Variants in USH2A observed in about 807,000 individuals in gnomAD.
USH2A encodes the protein Usher syndrome 2A (autosomal recessive, mild).
USH2A carries 443 observed loss-of-function variants against 538.9 expected under a neutral mutation model. The ratio of observed to expected loss-of-function variants is 0.82; its 90% CI spans 0.76 to 0.89. The LOEUF (loss-of-function observed/expected upper bound fraction) is 0.89. Ranked by LOEUF, USH2A falls within the 40% of genes least tolerant of loss-of-function variation. USH2A has a pLI of 0.00. For synonymous variants in USH2A, 2,413 were observed against 2,273.5 expected (o/e 1.06, Z -1.75); for missense variants, 6,633 against 6,324.8 (o/e 1.05, Z -1.65).
chr1:215,803,685 T>C (rs1257929267), intron 49 of USH2A, among the ~76,000 whole-genome samples: 1 of 152,132 alleles, frequency 6.6e-6, no homozygotes, highest in Non-Finnish European at 1.5e-5. Flanking sequence ...GAAGAATCAA[T>C]ATCACGAAAA....
At chr1:215,717,384 G>A (rs1659515506) in intron 61 of USH2A, among the ~76,000 whole-genome samples, 1 of 152,138 alleles carries the variant, frequency 6.6e-6, no homozygotes, top group Non-Finnish European at 1.5e-5. Flanking sequence ...GAATCATGAT[G>A]CCTGTGTTTT....
chr1:216,211,003 T>G (rs636457), intron 15 of USH2A, among the ~76,000 whole-genome samples: 26,294 of 71,672 alleles, frequency 0.37, 2,830 homozygotes, highest in Admixed American at 0.43. Flanking sequence ...AAAGGGTGTT[T>G]GGGGTGGTGG....
intron 3 of USH2A, among the ~76,000 whole-genome samples, chr1:216,379,043 C>T (rs932818826): frequency 2.0e-5 from 3 of 152,122 alleles, no homozygotes; most frequent in African/African-American, 7.2e-5. Flanking sequence ...ATTCACCTGC[C>T]TTCCTGTGGC....
At chr1:215,635,553 T>TTATG (rs1345003573) in intron 69 of USH2A, among the ~76,000 whole-genome samples, 1 of 150,790 alleles carries the variant, frequency 6.6e-6, no homozygotes, top group African/African-American at 2.4e-5. Context: ...ATTTATTTAT[T>TTATG]TATTTATTTA....
chr1:216,017,622 A>T (rs528362279), intron 32 of USH2A, among the ~76,000 whole-genome samples: 7 of 152,324 alleles, frequency 4.6e-5, no homozygotes, highest in Admixed American at 3.9e-4. Context: ...AATAAGAATA[A>T]TAAGTTCCTG....
At chr1:216,392,124 A>G (rs1235029205) in intron 3 of USH2A, among the ~76,000 whole-genome samples, 1 of 152,218 alleles carries the variant, frequency 6.6e-6, no homozygotes, top group Admixed American at 6.5e-5. Flanking sequence ...CAGAGTTTAT[A>G]GTCCAAAGAC....
chr1:216,170,919 A>G (rs566917371), intron 21 of USH2A, among the ~76,000 whole-genome samples: 35 of 152,238 alleles, frequency 2.3e-4, no homozygotes, highest in African/African-American at 7.7e-4. Flanking sequence ...TGTTGGAAGA[A>G]GAAAGTATTT....
chr1:215,896,058 T>G (rs970419457), intron 40 of USH2A, among the ~76,000 whole-genome samples: 11 of 152,214 alleles, frequency 7.2e-5, no homozygotes, highest in African/African-American at 2.7e-4. Flanking sequence ...ACTGAAATGT[T>G]GTGCAGCATA....
intron 19 of USH2A, among the ~76,000 whole-genome samples, chr1:216,194,483 C>T (rs1309283714): frequency 6.6e-6 from 1 of 152,052 alleles, no homozygotes; most frequent in East Asian, 1.9e-4. Flanking sequence ...CTATAAATGC[C>T]ACCTTGACAG....
At chr1:216,383,675 A>ATTTG (rs142516869) in intron 3 of USH2A, among the ~76,000 whole-genome samples, 1 of 151,776 alleles carries the variant, frequency 6.6e-6, no homozygotes, top group African/African-American at 2.4e-5. Flanking sequence ...TTCACATGTA[A>ATTTG]TTTGTTTGTT....
chr1:216,009,959 G>A (rs376108337), intron 32 of USH2A, among the ~76,000 whole-genome samples: 8 of 152,182 alleles, frequency 5.3e-5, no homozygotes, highest in South Asian at 2.1e-4. Context: ...GTTCATGGTC[G>A]CTCGGCATCA....
chr1:215,689,276 T>C (rs1374336492), intron 61 of USH2A, among the ~76,000 whole-genome samples: 1 of 152,226 alleles, frequency 6.6e-6, no homozygotes, highest in Non-Finnish European at 1.5e-5. Context: ...TCTCCCAAAA[T>C]CCAGTCTTGT....
rs374144657 is a variant in USH2A, at chr1:215,634,661, C to T, written c.15095G>A (p.Ser5032Asn). The T allele has an allele frequency of 1.9e-5, 30 of 1,614,130 alleles. No individual in the cohort carries two copies. The East Asian group carries it at 2.7e-4, about 14-fold the overall frequency. Residue 5032 changes from serine (S) to asparagine (N), a missense_variant, in exon 70 of 72, where the codon AGC becomes AAC. Transcript: ENST00000307340. ...CTCGCTGTAGAACTCTGTGCTTTTG[C>T]TCCGCGATCCCTTCTTTTTCCCAGG... ...TTPGKKKGSRSKSTEFYSELW... is the reference protein window; with the variant it reads ...TTPGKKKGSRNKSTEFYSELW...
chr1:216,254,589 C>T (rs966097313), intron 11 of USH2A, among the ~76,000 whole-genome samples: 4 of 152,198 alleles, frequency 2.6e-5, no homozygotes, highest in Admixed American at 6.5e-5. Flanking sequence ...GGGCTTGGAA[C>T]TCTGAGATCA....
intron 55 of USH2A, among the ~76,000 whole-genome samples, chr1:215,775,546 C>T (rs1348771533): frequency 6.6e-6 from 1 of 152,136 alleles, no homozygotes; most frequent in Non-Finnish European, 1.5e-5. Flanking sequence ...AAAGCATTAC[C>T]TATTACTAAG....
rs1558211049 is a variant in USH2A at position 216,011,977 on chromosome 1, T to TGATGGCAG, written c.6326-11416_6326-11415insCTGCCATC. On this transcript the variant is annotated intron_variant, in intron 32 of 71. Coordinates refer to ENST00000307340, the MANE Select transcript of USH2A (RefSeq NM_206933.4). ...CTCAGCCTGATCACGCTTGATTTTT[T>TGATGGCAG]TTTTTTTTTTTTTTTTTTTTGAGAC... Among the ~76,000 whole-genome samples the TGATGGCAG allele has an allele frequency of 3.2e-3, 179 of 55,984 alleles. 2 individuals carry two copies. The highest frequency in any genetic ancestry group is 0.011 in the Middle Eastern group (1 of 94). The allele number at this position is 55,984 out of a possible 152,430, so 36.7% of individuals were successfully genotyped here. A position where few individuals can be genotyped will look rare whatever the true frequency, so the allele number is the denominator to read the frequency against.
At chr1:216,171,072 A>G (rs1037148187) in intron 21 of USH2A, among the ~76,000 whole-genome samples, 1 of 152,118 alleles carries the variant, frequency 6.6e-6, no homozygotes, top group Non-Finnish European at 1.5e-5. Context: ...TTTATGTTGA[A>G]CTCTGCCCAT....
intron 22 of USH2A, among the ~76,000 whole-genome samples, chr1:216,091,629 A>C (rs1447348875): frequency 2.6e-5 from 4 of 152,200 alleles, no homozygotes; most frequent in African/African-American, 9.6e-5. Flanking sequence ...GACAAACCAA[A>C]TACATTTTTA....
chr1:215,771,082 C>T (rs1267835898), intron 55 of USH2A, among the ~76,000 whole-genome samples: 1 of 150,630 alleles, frequency 6.6e-6, no homozygotes, highest in Non-Finnish European at 1.5e-5. Context: ...AGCTGAGATC[C>T]TGCCACTATG....
Sources: gnomAD v4.1 joint callset for allele counts (sites outside exome capture counted in the v4.1 genomes callset) on GRCh38, gnomAD v4.1.1 for gene constraint, MANE v1.5 for transcripts, NCBI Gene and HGNC (gene_info 2026-07-23, HGNC 2026-07-21) for gene names.